ROR2: variants seen among roughly 807,000 people sequenced by gnomAD.
ROR2 encodes ROR family WNT receptor 2, also known as tyrosine-protein kinase transmembrane receptor ROR2.
In ROR2, 33 loss-of-function variants were observed where a neutral mutation model predicts 74.9. That is an observed-to-expected ratio of 0.44 (90% CI 0.33 to 0.59). The LOEUF (loss-of-function observed/expected upper bound fraction) is 0.59, where lower values mean the gene tolerates loss of function less well. Among genes scored for constraint, ROR2 ranks in the 20% least tolerant of loss-of-function variants. ROR2 has a pLI of 0.02. For missense variants in ROR2, 1,216 were observed against 1,313.8 expected (o/e 0.93, Z 1.15); for synonymous variants, 586 against 558.7 (o/e 1.05, Z -0.69).
rs747786117 is a variant in ROR2 at position 91,905,384 on chromosome 9, CCACA to C, written c.97+44479_97+44482del. 1.4e-4 allele frequency among the ~76,000 whole-genome samples: 22 copies of C among 151,772 alleles called. No individual in the cohort carries two copies. The highest frequency in any genetic ancestry group is 4.8e-4 in the African/African-American group (20 of 41,354). ...ATACACACAAGACACACAACACATA[CCACA>C]CACACAGAGAGACAAAAACTATACA... is the stretch of plus-strand genomic sequence containing the variant. On this transcript the variant is annotated intron_variant, in intron 1 of 8. Transcript: ENST00000375708. The surrounding 1 kb of genome is among the most constrained non-coding windows in gnomAD (Gnocchi z 5.3).
At chr9:91,806,823 T>C (rs1238375032) in intron 1 of ROR2, among the ~76,000 whole-genome samples, 1 of 152,192 alleles carries the variant, frequency 6.6e-6, no homozygotes, top group African/African-American at 2.4e-5. Flanking sequence ...TCTCCTGACC[T>C]TGTGATCCGC....
intron 1 of ROR2, among the ~76,000 whole-genome samples, chr9:91,864,853 T>C (rs906596332): frequency 4.6e-5 from 7 of 152,354 alleles, no homozygotes; most frequent in South Asian, 2.1e-4. Flanking sequence ...ATGTTTTATT[T>C]AAGCAGATGT....
chr9:91,742,216 GACTT>G (rs1825277157), intron 4 of ROR2, among the ~76,000 whole-genome samples: 1 of 152,170 alleles, frequency 6.6e-6, no homozygotes, highest in Non-Finnish European at 1.5e-5. Flanking sequence ...GACCTCGTGA[GACTT>G]ACTGTGACAA....
chr9:91,799,670 A>C (rs1189205620), intron 1 of ROR2, among the ~76,000 whole-genome samples: 1 of 152,196 alleles, frequency 6.6e-6, no homozygotes, highest in Non-Finnish European at 1.5e-5. Flanking sequence ...AGGGACAAGG[A>C]AAGCTCTCTC....
At chr9:91,890,754 A>C (rs1389274960) in intron 1 of ROR2, among the ~76,000 whole-genome samples, 1 of 152,250 alleles carries the variant, frequency 6.6e-6, no homozygotes, top group African/African-American at 2.4e-5. Flanking sequence ...AGTAACGGTG[A>C]CAACAGAAAT....
At position 91,905,124 on chromosome 9, in the gene ROR2, C is replaced by T. The variant is rs764425475; in HGVS notation, c.97+44743G>A. On this transcript the variant is annotated intron_variant, in intron 1 of 8. Transcript: ENST00000375708. The surrounding 1 kb of genome is among the most constrained non-coding windows in gnomAD (Gnocchi z 5.3). ...CTCATACACCACAAACCACATATCA[C>T]ACACACACCCCCCACACAAATATCA... Among the ~76,000 whole-genome samples, 9 of 151,548 alleles carry T rather than the reference C, an allele frequency of 5.9e-5. No individual in the cohort carries two copies. Among genetic ancestry groups the T allele is most frequent in the Non-Finnish European group, 2.9e-5 (2 of 67,916 alleles).
intron 1 of ROR2, among the ~76,000 whole-genome samples, chr9:91,912,855 G>GTGTTGGCTCACGCC: frequency 6.6e-6 from 1 of 152,164 alleles, no homozygotes; most frequent in East Asian, 1.9e-4. Context: ...CAGGCCAGGC[G>GTGTTGGCTCACGCC]TGTTGGCTCA....
intron 4 of ROR2, among the ~76,000 whole-genome samples, chr9:91,755,439 T>C (rs1041687100): frequency 6.6e-6 from 1 of 152,238 alleles, no homozygotes; most frequent in East Asian, 1.9e-4. Context: ...ACACCGGCAA[T>C]GGAATGAGCA....
chr9:91,908,772 A>G (rs1392843673), intron 1 of ROR2, among the ~76,000 whole-genome samples: 2 of 152,232 alleles, frequency 1.3e-5, no homozygotes, highest in Admixed American at 1.3e-4. Context: ...AGTAGAGCCA[A>G]AGGAAACAGC....
At position 91,757,264 on chromosome 9, in the gene ROR2, C is replaced by G; in HGVS notation, c.463+8G>C. On this transcript the variant is annotated splice_region_variant and intron_variant, in intron 3 of 8. Coordinates refer to ENST00000375708, the MANE Select transcript of ROR2 (RefSeq NM_004560.4). ...TGCTAACCCACACAATTTCACTGTC[C>G]AACTCACCCAGCCGCACAAACAGGA... The G allele has an allele frequency of 6.2e-7, 1 of 1,613,838 alleles. No individual in the cohort carries two copies. Among genetic ancestry groups the G allele is most frequent in the Non-Finnish European group, 8.5e-7 (1 of 1,179,956 alleles).
rs367845764 is a variant in ROR2, at chr9:91,724,295, G to T, written c.2199C>A (p.Pro733=). 2.9e-5 allele frequency: 46 copies of T among 1,613,192 alleles called. No homozygotes were observed. In the African/African-American group the frequency reaches 6.1e-4, roughly 21 times the overall value. The part of the protein sequence containing the change: ...ALMIECWNEF[P]SRRPRFKDIH... ...TGTCCTTGAAGCGGGGCCGCCGGCT[G>T]GGGAACTCGTTCCAGCACTCGATCA... Residue 733 remains proline, a synonymous_variant, in exon 9 of 9, where the codon CCC becomes CCA. Transcript: ENST00000375708.
chr9:91,863,410 G>A (rs769503868), intron 1 of ROR2, among the ~76,000 whole-genome samples: 3 of 152,076 alleles, frequency 2.0e-5, no homozygotes, highest in Non-Finnish European at 2.9e-5. Context: ...ACATTCACAG[G>A]AGCATTATTC....
intron 4 of ROR2, among the ~76,000 whole-genome samples, chr9:91,739,513 T>TAAAAAAAAA (rs71362359): frequency 3.8e-5 from 4 of 105,602 alleles, no homozygotes; most frequent in Non-Finnish European, 1.9e-5. Context: ...TCTTTAAATT[T>TAAAAAAAAA]AAAAAAAAAA....
At position 91,723,630 on chromosome 9, in the gene ROR2, T is replaced by G. The variant is rs1268853977; in HGVS notation, c.*32A>C. 3 of 1,609,988 alleles carry G rather than the reference T, an allele frequency of 1.9e-6. No homozygotes were observed. Among genetic ancestry groups the G allele is most frequent in the Non-Finnish European group, 2.5e-6 (3 of 1,178,746 alleles). The stretch of plus-strand genomic sequence containing the variant: ...GGTCCCTGTGGGGTCTCGGCGGGGC[T>G]TCTATCCCCGAACCCCGGGCCCTGG... On this transcript the variant is annotated 3_prime_UTR_variant, in exon 9 of 9. Coordinates refer to ENST00000375708, the MANE Select transcript of ROR2 (RefSeq NM_004560.4).
intron 1 of ROR2, among the ~76,000 whole-genome samples, chr9:91,875,602 G>A (rs1383140333): frequency 6.6e-6 from 1 of 152,116 alleles, no homozygotes; most frequent in East Asian, 1.9e-4. Flanking sequence ...CATGAGAAAG[G>A]TCACAAGACG....
At chr9:91,901,897 G>A (rs1415219955) in intron 1 of ROR2, among the ~76,000 whole-genome samples, 2 of 152,048 alleles carry the variant, frequency 1.3e-5, no homozygotes, top group Non-Finnish European at 2.9e-5. Context: ...GGAAAAGTCA[G>A]TTGTACCTTT....
intron 1 of ROR2, among the ~76,000 whole-genome samples, chr9:91,868,777 C>T (rs1829712117): frequency 6.6e-6 from 1 of 152,152 alleles, no homozygotes; most frequent in African/African-American, 2.4e-5. Flanking sequence ...TAATAGAACT[C>T]ACTGTCAGCA....
intron 1 of ROR2, among the ~76,000 whole-genome samples, chr9:91,811,300 G>A (rs890177974): frequency 3.9e-5 from 6 of 152,232 alleles, no homozygotes; most frequent in South Asian, 2.1e-4. Flanking sequence ...ACGGGGGAGC[G>A]CAGGGCCCAC....
intron 1 of ROR2, among the ~76,000 whole-genome samples, chr9:91,925,300 T>G (rs1231572916): frequency 6.6e-6 from 1 of 152,048 alleles, no homozygotes; most frequent in Non-Finnish European, 1.5e-5. Context: ...AGACATTAAC[T>G]TACACAGCTC....
Sources: allele counts gnomAD v4.1 joint callset (sites outside exome capture counted in the v4.1 genomes callset), GRCh38; gene constraint gnomAD v4.1.1; non-coding constraint Gnocchi (gnomAD v3.1); transcripts MANE v1.5; gene names NCBI Gene and HGNC (gene_info 2026-07-23, HGNC 2026-07-21).